Variants in TEAD1 observed in about 807,000 individuals in gnomAD.
TEAD1 encodes transcriptional enhancer factor TEF-1.
TEAD1 carries 9 observed loss-of-function variants against 54.9 expected under a neutral mutation model. The ratio of observed to expected loss-of-function variants is 0.16; its 90% CI spans 0.10 to 0.29. The LOEUF is 0.29. TEAD1 is among the 10% of genes least tolerant of loss of function. The pLI is 1.00. For synonymous variants in TEAD1, 200 were observed against 187.8 expected (o/e 1.07, Z -0.53); for missense variants, 387 against 535.9 (o/e 0.72, Z 2.74).
intron 2 of TEAD1, among the ~76,000 whole-genome samples, chr11:12,731,447 G>A (rs923215628): frequency 6.6e-6 from 1 of 151,736 alleles, no homozygotes; most frequent in African/African-American, 2.4e-5. Flanking sequence ...TTTTTTGTAT[G>A]TATGTTTTTT....
intron 2 of TEAD1, among the ~76,000 whole-genome samples, chr11:12,714,058 G>A (rs978206835): frequency 6.6e-6 from 1 of 152,192 alleles, no homozygotes; most frequent in African/African-American, 2.4e-5. Flanking sequence ...AAGAGGGAAC[G>A]TGTAGATTGA....
At chr11:12,802,302 A>ACAAT (rs772494178) in intron 3 of TEAD1, among the ~76,000 whole-genome samples, 1 of 152,206 alleles carries the variant, frequency 6.6e-6, no homozygotes, top group African/African-American at 2.4e-5. Context: ...TTGAGTGACC[A>ACAAT]CAATGTGTGT....
chr11:12,708,422 C>G lies in TEAD1; in HGVS notation c.-55+32861C>G, dbSNP rs775589809. Among the ~76,000 whole-genome samples the G allele has an allele frequency of 1.3e-5, 2 of 151,892 alleles. 1 individual carries two copies. Among genetic ancestry groups the G allele is most frequent in the South Asian group, 4.2e-4 (2 of 4,796 alleles). ...TAGTGCCAAGGAAAGTTTTCTGGGT[C>G]AGAGACTTTATCCTGCTGCAGGAAT... On this transcript the variant is annotated intron_variant, in intron 2 of 12. Coordinates refer to ENST00000527636, the MANE Select transcript of TEAD1 (RefSeq NM_021961.6).
At chr11:12,864,994 G>A (rs1448773557) in intron 5 of TEAD1, 94 bp downstream of exon 5, 18 of 1,366,416 alleles carry the variant, frequency 1.3e-5, no homozygotes, top group African/African-American at 2.8e-5. Context: ...TGGGATTCTC[G>A]TAACCTAGTT....
In TEAD1 at chr11:12,901,986, A is replaced by G. The variant is rs1461718092; in HGVS notation, c.746A>G (p.Tyr249Cys). The G allele has an allele frequency of 1.2e-6, 2 of 1,614,132 alleles. No homozygotes were observed. Among genetic ancestry groups the G allele is most frequent in the Non-Finnish European group, 1.7e-6 (2 of 1,180,052 alleles). Residue 249 changes from tyrosine (Y) to cysteine (C), a missense_variant, in exon 10 of 13, where the codon TAC (tyrosine) becomes TGC (cysteine). Transcript: ENST00000527636. ...CACATTGGGCATGCCAACCATTCTT[A>G]CAGTGACCCATTGCTTGAATCAGTG... is the stretch of plus-strand genomic sequence containing the variant.
chr11:12,691,574 T>C (rs1040658097), intron 2 of TEAD1, among the ~76,000 whole-genome samples: 11 of 152,212 alleles, frequency 7.2e-5, no homozygotes, highest in Non-Finnish European at 1.6e-4. Context: ...TTTGCCACTT[T>C]CATGCTTGTG....
At chr11:12,689,001 T>C (rs1300757333) in intron 2 of TEAD1, among the ~76,000 whole-genome samples, 1 of 149,878 alleles carries the variant, frequency 6.7e-6, no homozygotes, top group South Asian at 2.1e-4. Context: ...TTTCCTGCTT[T>C]GTTGTTTTTC....
At chr11:12,930,053 G>T (rs2134169813) in intron 11 of TEAD1, 121 bp from the exon 12 acceptor site, 1 of 1,066,676 alleles carries the variant, frequency 9.4e-7, no homozygotes, top group Non-Finnish European at 1.4e-6. Context: ...TACGTAAGTA[G>T]TATAGCATAT....
chr11:12,844,152 T>C (rs1160469554), intron 3 of TEAD1, among the ~76,000 whole-genome samples: 1 of 151,356 alleles, frequency 6.6e-6, no homozygotes, highest in Non-Finnish European at 1.5e-5. Context: ...GACTTAAAGC[T>C]TTTTTTTGTT....
At chr11:12,840,597 G>C (rs1014147325) in intron 3 of TEAD1, among the ~76,000 whole-genome samples, 1 of 152,162 alleles carries the variant, frequency 6.6e-6, no homozygotes, top group African/African-American at 2.4e-5. Flanking sequence ...GGGTTCGGCT[G>C]TGTGCTCTTC....
At chr11:12,894,890 T>C (rs1948279588) in intron 9 of TEAD1, among the ~76,000 whole-genome samples, 1 of 152,246 alleles carries the variant, frequency 6.6e-6, no homozygotes, top group Non-Finnish European at 1.5e-5. Flanking sequence ...TTATCTCATT[T>C]AATATTCTTG....
At chr11:12,856,990 C>G (rs1295087497) in intron 3 of TEAD1, among the ~76,000 whole-genome samples, 3 of 152,182 alleles carry the variant, frequency 2.0e-5, no homozygotes, top group Non-Finnish European at 4.4e-5. Context: ...GTGCCTCAAA[C>G]ATGACCTTGA....
intron 3 of TEAD1, among the ~76,000 whole-genome samples, chr11:12,775,656 A>G (rs532639230): frequency 8.6e-5 from 13 of 150,834 alleles, no homozygotes; most frequent in Non-Finnish European, 1.9e-4. Flanking sequence ...TGATAAATCT[A>G]AATATAGAAG....
intron 12 of TEAD1, among the ~76,000 whole-genome samples, chr11:12,935,070 G>A (rs1052867657): frequency 6.6e-6 from 1 of 152,078 alleles, no homozygotes; most frequent in Non-Finnish European, 1.5e-5. Context: ...TAGGCAGGTG[G>A]GCCGCCATCC....
intron 1 of TEAD1, among the ~76,000 whole-genome samples, 161 bp from the exon 2 acceptor site, chr11:12,675,248 G>A (rs1049754219): frequency 1.4e-4 from 22 of 151,880 alleles, no homozygotes; most frequent in African/African-American, 4.8e-4. Context: ...CCGCCTCGGA[G>A]CCCGGAGCCG....
At chr11:12,924,848 A>T (rs1948880162) in intron 10 of TEAD1, 64 bp from the exon 11 acceptor site, 1 of 1,600,796 alleles carries the variant, frequency 6.2e-7, no homozygotes, top group Non-Finnish European at 8.6e-7. Flanking sequence ...CCTGAAAGTT[A>T]CTGCTCGGTG....
At chr11:12,755,874 T>C (rs79628432) in intron 2 of TEAD1, among the ~76,000 whole-genome samples, 1,896 of 152,228 alleles carry the variant, frequency 0.012, 44 homozygotes, top group African/African-American at 0.043. Context: ...AATGATCAGC[T>C]TGACTGGTGG....
intron 2 of TEAD1, among the ~76,000 whole-genome samples, chr11:12,707,476 A>G (rs1943844484): frequency 1.3e-5 from 2 of 152,252 alleles, no homozygotes; most frequent in Non-Finnish European, 2.9e-5. Context: ...CTCTCAGGCC[A>G]CCTTCTGAAA....
intron 2 of TEAD1, among the ~76,000 whole-genome samples, chr11:12,692,415 A>G (rs975848294): frequency 6.6e-6 from 1 of 152,176 alleles, no homozygotes; most frequent in Admixed American, 6.5e-5. Context: ...TAGTCCTGAA[A>G]TTATCATCAT....
Sources: gnomAD v4.1 joint callset for allele counts (sites outside exome capture counted in the v4.1 genomes callset) on GRCh38, gnomAD v4.1.1 for gene constraint, MANE v1.5 for transcripts, NCBI Gene and HGNC (gene_info 2026-07-23, HGNC 2026-07-21) for gene names.